The following CLCN5 variants were observed in gnomAD, a reference collection of about 807,000 sequenced individuals.
CLCN5 encodes H(+)/Cl(-) exchange transporter 5.
In CLCN5, 17 loss-of-function variants were observed where a neutral mutation model predicts 54.0. That is an observed-to-expected ratio of 0.31 (90% CI 0.22 to 0.47). The LOEUF (loss-of-function observed/expected upper bound fraction) is 0.47, where lower values mean the gene tolerates loss of function less well. CLCN5 is among the 20% of genes least tolerant of loss of function. CLCN5 has a pLI of 1.00. For synonymous variants in CLCN5, 222 were observed against 233.0 expected (o/e 0.95, Z 0.43); for missense variants, 448 against 646.7 (o/e 0.69, Z 3.33).
chrX:50,055,421 C>A (rs1399815775), intron 4 of CLCN5, among the ~76,000 whole-genome samples: 1 of 111,671 alleles, frequency 9.0e-6, no homozygotes, highest in Admixed American at 9.5e-5. Flanking sequence ...CTTCTCACTG[C>A]AGGATAATAG....
chrX:50,000,551 G>C (rs968865832), intron 3 of CLCN5, among the ~76,000 whole-genome samples: 1 of 111,193 alleles, frequency 9.0e-6, no homozygotes, highest in Admixed American at 9.5e-5. Flanking sequence ...CCAGAAAGTG[G>C]GTCCTTATCA....
At chrX:49,922,968 G>A (rs1925141646) in intron 1 of CLCN5, among the ~76,000 whole-genome samples, 176 bp downstream of exon 1, 2 of 113,115 alleles carry the variant, frequency 1.8e-5, no homozygotes, top group African/African-American at 3.2e-5. Flanking sequence ...GCGCTTAGAG[G>A]AGGTAGACAG....
chrX:49,975,149 T>A (rs782747653), intron 3 of CLCN5, among the ~76,000 whole-genome samples: 6 of 111,809 alleles, frequency 5.4e-5, no homozygotes, highest in Admixed American at 9.5e-5. Flanking sequence ...GCAATTTTTT[T>A]AAATTTTTGC....
intron 3 of CLCN5, among the ~76,000 whole-genome samples, chrX:49,931,342 G>A (rs1557168857): frequency 9.0e-6 from 1 of 111,080 alleles, no homozygotes; most frequent in African/African-American, 3.3e-5. Flanking sequence ...AAGTCTGAGA[G>A]GATATATGCA....
chrX:50,069,627 C>G lies in CLCN5; in HGVS notation c.164-252C>G, dbSNP rs112064121. On this transcript the variant is annotated intron_variant, in intron 4 of 14. Transcript: ENST00000376091. ...ATCCTTTCCCATTGCACATCAACTCCTGTCTCTCTTTGTACTGTCACTCTC... is the reference window on the plus strand; with the variant it reads ...ATCCTTTCCCATTGCACATCAACTCGTGTCTCTCTTTGTACTGTCACTCTC... The G allele has an allele frequency of 0.012, 10,588 of 898,734 alleles. 812 individuals carry two copies. In the African/African-American group the frequency reaches 0.2, roughly 17 times the overall value. The allele number at this position is 898,734 out of a possible 1,213,427, so 74.1% of individuals were successfully genotyped here.
At chrX:50,002,009 C>T (rs782019403) in intron 3 of CLCN5, among the ~76,000 whole-genome samples, 53 of 110,743 alleles carry the variant, frequency 4.8e-4, no homozygotes, top group Non-Finnish European at 7.7e-4. Flanking sequence ...CTTCTTACCT[C>T]ACAAGCCTCT....
At chrX:49,936,634 G>T (rs1369834493) in intron 3 of CLCN5, among the ~76,000 whole-genome samples, 1 of 112,317 alleles carries the variant, frequency 8.9e-6, no homozygotes, top group African/African-American at 3.2e-5. Context: ...TATTTAAACT[G>T]CAAGAACTTC....
intron 3 of CLCN5, among the ~76,000 whole-genome samples, chrX:50,036,991 A>G (rs1299157047): frequency 8.9e-6 from 1 of 112,379 alleles, no homozygotes; most frequent in East Asian, 2.8e-4. Context: ...AGGTTTGTCA[A>G]ATGTAAATCT....
chrX:49,965,332 A>G (rs1368552074), intron 3 of CLCN5, among the ~76,000 whole-genome samples: 4 of 112,032 alleles, frequency 3.6e-5, no homozygotes, highest in African/African-American at 1.3e-4. Context: ...TGTAGTTTTC[A>G]GTGTACATAC....
chrX:50,077,212 A>G (rs782227410), intron 7 of CLCN5, among the ~76,000 whole-genome samples: 1 of 111,353 alleles, frequency 9.0e-6, no homozygotes, highest in African/African-American at 3.3e-5. Context: ...TACATGTATG[A>G]CTATGCATCT....
At chrX:49,936,946 G>A (rs1926026245) in intron 3 of CLCN5, among the ~76,000 whole-genome samples, 1 of 111,364 alleles carries the variant, frequency 9.0e-6, no homozygotes, top group Non-Finnish European at 1.9e-5. Context: ...GAGTAAAGTA[G>A]CCTGGACGTG....
chrX:50,015,849 A>G (rs982335204), intron 3 of CLCN5, among the ~76,000 whole-genome samples: 2 of 111,628 alleles, frequency 1.8e-5, no homozygotes, highest in African/African-American at 3.3e-5. Flanking sequence ...AGAGACAGAA[A>G]GAGACACACA....
In CLCN5 at chrX:50,060,471, C is replaced by T. The variant is rs868920461; in HGVS notation, c.164-9408C>T. Among the ~76,000 whole-genome samples the T allele has an allele frequency of 1.7e-4, 18 of 106,544 alleles. No individual in the cohort carries two copies. The East Asian group carries it at 3.6e-3, about 22-fold the overall frequency. 92.5% of individuals were successfully genotyped at this position (106,544 alleles called of 115,157 possible). A position where few individuals can be genotyped will look rare whatever the true frequency, so the allele number is the denominator to read the frequency against. On this transcript the variant is annotated intron_variant, in intron 4 of 14. Transcript: ENST00000376091. The stretch of plus-strand genomic sequence containing the variant: ...GACCGGCTTAAAAAACGGCGCACCA[C>T]GAGACTATATCCCACACCTGGCTCG...
Position 50,081,786 on chromosome X carries a change from G to C in CLCN5, c.872G>C (p.Cys291Ser). 8.3e-7 allele frequency: 1 copy of C among 1,211,898 alleles called. No homozygotes were observed. Among genetic ancestry groups the C allele is most frequent in the Non-Finnish European group, 1.1e-6 (1 of 895,526 alleles). ...CCTCTAGTGCACGTGGCTTGCTGCT[G>C]TGGGAACATCCTGTGCCACTGCTTC... ...EGPLVHVACC[C>S]GNILCHCFNK... Residue 291 changes from cysteine to serine, a missense_variant, in exon 9 of 15, where the codon TGT becomes TCT. Transcript: ENST00000376091.
intron 9 of CLCN5, among the ~76,000 whole-genome samples, chrX:50,082,052 G>C (rs1403112647): frequency 9.0e-6 from 1 of 111,433 alleles, no homozygotes; most frequent in East Asian, 2.8e-4. Context: ...TGTCAACATA[G>C]TAAAAAACTG....
chrX:49,929,748 T>C (rs191206991), intron 3 of CLCN5, among the ~76,000 whole-genome samples: 1 of 109,172 alleles, frequency 9.2e-6, no homozygotes, highest in African/African-American at 3.4e-5. Flanking sequence ...CAATCCTGTT[T>C]TGGAACTGCT....
chrX:50,043,101 G>T (rs1435353550), intron 4 of CLCN5, among the ~76,000 whole-genome samples: 2 of 111,630 alleles, frequency 1.8e-5, no homozygotes, highest in African/African-American at 6.5e-5. Context: ...GTGCATATCT[G>T]CCCACCTTAT....
At chrX:49,973,344 A>T (rs1015529981) in intron 3 of CLCN5, among the ~76,000 whole-genome samples, 3 of 111,108 alleles carry the variant, frequency 2.7e-5, no homozygotes, top group African/African-American at 9.8e-5. Flanking sequence ...TCTTTTTTTT[A>T]GTTTTAATGT....
intron 3 of CLCN5, among the ~76,000 whole-genome samples, chrX:49,969,918 T>A (rs1474406088): frequency 8.9e-6 from 1 of 111,907 alleles, no homozygotes; most frequent in Non-Finnish European, 1.9e-5. Flanking sequence ...CTTCACATAT[T>A]TGAAGCTTGG....
Sources: gnomAD v4.1 joint callset for allele counts (sites outside exome capture counted in the v4.1 genomes callset) on GRCh38, gnomAD v4.1.1 for gene constraint, MANE v1.5 for transcripts, NCBI Gene and HGNC (gene_info 2026-07-23, HGNC 2026-07-21) for gene names.